The following BMP2K variants were observed in gnomAD, a reference collection of about 807,000 sequenced individuals.
BMP2K encodes BMP2 inducible kinase.
A neutral mutation model predicts 116.0 loss-of-function variants in BMP2K; 74 were observed. The observed-to-expected ratio is 0.64, with a 90% confidence interval of 0.53 to 0.77. The LOEUF is 0.77. Among genes scored for constraint, BMP2K ranks in the 30% least tolerant of loss-of-function variants. The pLI is 0.00. For missense variants in BMP2K, 1,365 were observed against 1,403.6 expected, an observed-to-expected ratio of 0.97 and a Z score of 0.44; for synonymous variants, 486 against 502.5, an observed-to-expected ratio of 0.97 and a Z score of 0.44.
rs1354731074 is a variant in BMP2K at position 78,877,089 on chromosome 4, CT to C, written c.1794-1643del. On this transcript the variant is annotated intron_variant, in intron 13 of 15. Transcript: ENST00000502613. Reference sequence around the variant, plus strand: ...TATAGGGCACTTACCATGAATGGAGCTTAGAGGACTGGAAGTTTTTCTGGGT... The same window carrying C: ...TATAGGGCACTTACCATGAATGGAGCTAGAGGACTGGAAGTTTTTCTGGGT... 5.3e-5 allele frequency among the ~76,000 whole-genome samples: 8 copies of C among 152,012 alleles called. No individual in the cohort carries two copies. In the South Asian group the frequency reaches 1.7e-3, roughly 32 times the overall value.
intron 15 of BMP2K, among the ~76,000 whole-genome samples, chr4:78,899,561 C>G (rs1308741316): frequency 6.6e-6 from 1 of 151,694 alleles, no homozygotes; most frequent in Non-Finnish European, 1.5e-5. Flanking sequence ...CAGGTTAATT[C>G]TAACAGTGAA....
At chr4:78,878,926 G>A (rs10518205) in intron 14 of BMP2K, 35 bp downstream of exon 14, 84,788 of 1,589,328 alleles carry the variant, frequency 0.053, 3,480 homozygotes, top group East Asian at 0.23. Flanking sequence ...TTGCTTCACA[G>A]TAAAATAACA....
At chr4:78,862,156 GTTTA>G (rs1267388402) in intron 9 of BMP2K, among the ~76,000 whole-genome samples, 1 of 151,812 alleles carries the variant, frequency 6.6e-6, no homozygotes, top group Non-Finnish European at 1.5e-5. Flanking sequence ...TTTATGCAAA[GTTTA>G]TTTGTTTACA....
intron 15 of BMP2K, among the ~76,000 whole-genome samples, chr4:78,893,703 T>C (rs1733558408): frequency 6.6e-6 from 1 of 152,140 alleles, no homozygotes; most frequent in South Asian, 2.1e-4. Context: ...GCTGGGACTA[T>C]AGGCATGCAC....
intron 1 of BMP2K, among the ~76,000 whole-genome samples, chr4:78,817,685 C>T (rs1057222216): frequency 1.2e-4 from 18 of 152,064 alleles, no homozygotes; most frequent in African/African-American, 4.1e-4. Flanking sequence ...TGATTGAACT[C>T]GATCTCTAGT....
At chr4:78,872,041 A>G (rs1381273989) in intron 12 of BMP2K, 93 bp downstream of exon 12, 3 of 913,290 alleles carry the variant, frequency 3.3e-6, no homozygotes, top group East Asian at 5.3e-5. Context: ...TTAGTAATTC[A>G]AAATCAAGTA....
At chr4:78,875,048 A>G (rs1732567067) in intron 13 of BMP2K, among the ~76,000 whole-genome samples, 1 of 152,190 alleles carries the variant, frequency 6.6e-6, no homozygotes, top group South Asian at 2.1e-4. Context: ...GTTAGAAAAA[A>G]TTATACACTC....
chr4:78,785,292 G>A (rs1029575480), intron 1 of BMP2K, among the ~76,000 whole-genome samples: 1 of 151,982 alleles, frequency 6.6e-6, no homozygotes, highest in Non-Finnish European at 1.5e-5. Context: ...TGTATTTTTA[G>A]TAGAGACAGG....
intron 15 of BMP2K, among the ~76,000 whole-genome samples, chr4:78,904,239 AG>A (rs1002972964): frequency 3.3e-5 from 5 of 152,060 alleles, no homozygotes; most frequent in African/African-American, 1.2e-4. Context: ...AAGAGAAAAA[AG>A]TTCTAAGAAA....
rs779270327 is a variant in BMP2K, at chr4:78,913,355, C to A, written c.*1322C>A. ...ATTTGCCTTTTTTTACACCACAAAT[C>A]CTAATTAGAAACTTGAGGTTTTATA... On this transcript the variant is annotated 3_prime_UTR_variant, in exon 16 of 16. Transcript: ENST00000502613. 6.6e-6 allele frequency: 1 copy of A among 152,084 alleles called. No homozygotes were observed. Among genetic ancestry groups the A allele is most frequent in the Non-Finnish European group, 1.5e-5 (1 of 67,970 alleles). The allele number at this position is 152,084 out of a possible 1,614,324, so 9.4% of individuals were successfully genotyped here. A position where few individuals can be genotyped will look rare whatever the true frequency, so the allele number is the denominator to read the frequency against.
chr4:78,823,740 A>T (rs1276588187), intron 1 of BMP2K, among the ~76,000 whole-genome samples: 1 of 151,926 alleles, frequency 6.6e-6, no homozygotes, highest in African/African-American at 2.4e-5. Flanking sequence ...ATAAATTCAT[A>T]CACAGACCAC....
chr4:78,840,539 A>G (rs1489222704), intron 3 of BMP2K, among the ~76,000 whole-genome samples: 2 of 152,134 alleles, frequency 1.3e-5, no homozygotes, highest in Non-Finnish European at 2.9e-5. Flanking sequence ...CTAAGTTGCA[A>G]CCGACGTTTA....
intron 7 of BMP2K, among the ~76,000 whole-genome samples, chr4:78,853,126 A>G (rs181123457): frequency 2.2e-4 from 34 of 152,336 alleles, no homozygotes; most frequent in African/African-American, 7.9e-4. Context: ...ATATATTAAC[A>G]TAAAATAAAG....
intron 1 of BMP2K, among the ~76,000 whole-genome samples, chr4:78,780,026 G>A (rs1727429212): frequency 6.6e-6 from 1 of 152,156 alleles, no homozygotes; most frequent in Non-Finnish European, 1.5e-5. Flanking sequence ...GTGACAAATT[G>A]TCAGGCTCAT....
At chr4:78,803,526 G>A (rs1728673487) in intron 1 of BMP2K, among the ~76,000 whole-genome samples, 1 of 151,918 alleles carries the variant, frequency 6.6e-6, no homozygotes, top group South Asian at 2.1e-4. Flanking sequence ...TTACAGATGT[G>A]TACCACCACT....
At chr4:78,795,077 A>G (rs560726671) in intron 1 of BMP2K, among the ~76,000 whole-genome samples, 1 of 152,348 alleles carries the variant, frequency 6.6e-6, no homozygotes, top group African/African-American at 2.4e-5. Flanking sequence ...GGCTTGTTGA[A>G]GTGAAGAGAG....
intron 7 of BMP2K, chr4:78,859,367 A>ATCTCGGTGGTG: frequency 2.7e-6 from 1 of 374,700 alleles, no homozygotes; most frequent in Non-Finnish European, 4.8e-6. Context: ...TCTAGTGTAG[A>ATCTCGGTGGTG]GCTGTTCTGT....
At chr4:78,862,315 C>T (rs1731837074) in intron 9 of BMP2K, among the ~76,000 whole-genome samples, 1 of 152,038 alleles carries the variant, frequency 6.6e-6, no homozygotes, top group African/African-American at 2.4e-5. Context: ...AGATATTAGG[C>T]TACTTTGAGA....
intron 10 of BMP2K, among the ~76,000 whole-genome samples, chr4:78,869,539 A>C (rs560800758): frequency 3.0e-4 from 46 of 152,184 alleles, no homozygotes; most frequent in African/African-American, 7.2e-4. Flanking sequence ...AACACACACA[A>C]AAAAATGACA....
Sources: allele counts gnomAD v4.1 joint callset (sites outside exome capture counted in the v4.1 genomes callset), GRCh38; gene constraint gnomAD v4.1.1; transcripts MANE v1.5; gene names NCBI Gene and HGNC (gene_info 2026-07-23, HGNC 2026-07-21).